Variants in WLS observed in about 807,000 individuals in gnomAD.
The protein encoded by WLS is protein wntless homolog.
WLS carries 23 observed loss-of-function variants against 62.8 expected under a neutral mutation model. The ratio of observed to expected loss-of-function variants is 0.37; its 90% CI spans 0.26 to 0.52. The LOEUF is 0.52. Ranked by LOEUF, WLS falls within the 20% of genes least tolerant of loss-of-function variation. The probability of loss-of-function intolerance (pLI) is 0.92; values close to 1 mark genes in which losing one functional copy is unlikely to be tolerated. For missense variants in WLS, 615 were observed against 697.3 expected (o/e 0.88, Z 1.33); for synonymous variants, 246 against 244.1 (o/e 1.01, Z -0.07).
chr1:68,179,056 C>G (rs997359577), intron 2 of WLS, among the ~76,000 whole-genome samples: 1 of 152,118 alleles, frequency 6.6e-6, no homozygotes, highest in African/African-American at 2.4e-5. Context: ...TGTCTGCCTA[C>G]CTAAGGAGTA....
intron 1 of WLS, among the ~76,000 whole-genome samples, chr1:68,200,576 T>C (rs1648956154): frequency 6.6e-6 from 1 of 151,802 alleles, no homozygotes; most frequent in African/African-American, 2.4e-5. Context: ...GCTTTTTTTT[T>C]TTTTTTCCAG....
chr1:68,217,939 G>A (rs756722613), intron 1 of WLS, among the ~76,000 whole-genome samples: 1 of 152,122 alleles, frequency 6.6e-6, no homozygotes, highest in African/African-American at 2.4e-5. Flanking sequence ...CCATCATCCA[G>A]AACAAATTAA....
chr1:68,157,703 T>A (rs558341478), intron 3 of WLS, among the ~76,000 whole-genome samples: 111 of 152,326 alleles, frequency 7.3e-4, no homozygotes, highest in African/African-American at 2.4e-3. Flanking sequence ...GATGATTCAT[T>A]TCCTTCGCAC....
intron 11 of WLS, among the ~76,000 whole-genome samples, chr1:68,113,816 G>A (rs1207922093): frequency 6.6e-6 from 1 of 152,192 alleles, no homozygotes; most frequent in African/African-American, 2.4e-5. Flanking sequence ...CTTGCTACAG[G>A]ACAGCAAATC....
chr1:68,201,753 C>A (rs1034256984), intron 1 of WLS, among the ~76,000 whole-genome samples: 1 of 152,132 alleles, frequency 6.6e-6, no homozygotes, highest in African/African-American at 2.4e-5. Flanking sequence ...ACCACTACCA[C>A]CAAAACACAA....
chr1:68,218,607 C>T (rs1649826665), intron 1 of WLS, among the ~76,000 whole-genome samples: 1 of 152,212 alleles, frequency 6.6e-6, no homozygotes. Flanking sequence ...ATACTTGCTT[C>T]CTTCCCTTTC....
intron 2 of WLS, among the ~76,000 whole-genome samples, chr1:68,170,975 A>G (rs1647145210): frequency 6.6e-6 from 1 of 152,126 alleles, no homozygotes; most frequent in African/African-American, 2.4e-5. Flanking sequence ...ACAAACCTAA[A>G]TTTCCTGTCA....
At position 68,193,801 on chromosome 1, in the gene WLS, T is replaced by C. The variant is rs974580013; in HGVS notation, c.379+154A>G. 7.2e-6 allele frequency: 7 copies of C among 977,710 alleles called. No individual in the cohort carries two copies. In the Admixed American group the frequency reaches 1.1e-4, roughly 16 times the overall value. The allele number at this position is 977,710 out of a possible 1,614,324, so 60.6% of individuals were successfully genotyped here. On this transcript the variant is annotated intron_variant, in intron 2 of 11. Coordinates refer to ENST00000262348, the MANE Select transcript of WLS (RefSeq NM_024911.7). ...CTGGTGGGAAGATTAAATGGGTTAA[T>C]ACAGGTAAAGTACACAGAAAGTGCC...
chr1:68,141,923 C>CA (rs1433586770), intron 10 of WLS: 1 of 152,152 alleles, frequency 6.6e-6, no homozygotes, highest in African/African-American at 2.4e-5. Context: ...TAATGGAATT[C>CA]AAAAGGCCTC....
downstream of WLS, among the ~76,000 whole-genome samples, chr1:68,122,595 T>C (rs928146961): frequency 6.6e-6 from 1 of 152,252 alleles, no homozygotes; most frequent in Non-Finnish European, 1.5e-5. Flanking sequence ...TGTAAAATTA[T>C]ATACTTTTTT....
At chr1:68,174,225 T>G in intron 2 of WLS, among the ~76,000 whole-genome samples, 1 of 152,056 alleles carries the variant, frequency 6.6e-6, no homozygotes. Flanking sequence ...CACCCCAACA[T>G]TCCCTCACTG....
At chr1:68,120,427 T>G (rs1424230306), downstream of WLS, among the ~76,000 whole-genome samples, 6 of 152,206 alleles carry the variant, frequency 3.9e-5, no homozygotes, top group Admixed American at 3.3e-4. Flanking sequence ...TAAGGTCATT[T>G]GGTTCTAGTG....
At chr1:68,180,000 T>C (rs12085739) in intron 2 of WLS, among the ~76,000 whole-genome samples, 5,723 of 150,940 alleles carry the variant, frequency 0.038, 348 homozygotes, top group African/African-American at 0.13. Context: ...GCCCATTCAG[T>C]AGAGGTGGTG....
At chr1:68,209,427 T>C (rs1649417845) in intron 1 of WLS, among the ~76,000 whole-genome samples, 1 of 152,254 alleles carries the variant, frequency 6.6e-6, no homozygotes, top group African/African-American at 2.4e-5. Flanking sequence ...TTGTTGGATA[T>C]TTTTTATGTG....
chr1:68,201,006 A>C (rs1367737247), intron 1 of WLS, among the ~76,000 whole-genome samples: 3 of 152,200 alleles, frequency 2.0e-5, no homozygotes, highest in African/African-American at 7.2e-5. Flanking sequence ...AATGCCCCCA[A>C]AGTACTTATT....
chr1:68,197,560 C>CA (rs1184032088), intron 1 of WLS, among the ~76,000 whole-genome samples: 1 of 152,272 alleles, frequency 6.6e-6, no homozygotes, highest in Non-Finnish European at 1.5e-5. Flanking sequence ...AGTAAACAGA[C>CA]ATCCTGATAT....
intron 1 of WLS, among the ~76,000 whole-genome samples, chr1:68,201,560 T>C (rs1649017509): frequency 6.6e-6 from 1 of 152,274 alleles, no homozygotes; most frequent in East Asian, 1.9e-4. Context: ...AAAGTGTGTC[T>C]ACAGAGACTA....
intron 2 of WLS, among the ~76,000 whole-genome samples, chr1:68,160,455 A>T (rs1292923882): frequency 6.6e-6 from 1 of 152,216 alleles, no homozygotes; most frequent in East Asian, 1.9e-4. Flanking sequence ...GAGTCTGGTT[A>T]TGGAATAGGC....
chr1:68,126,387 G>GC, intron 11 of WLS, 52 bp from the exon 12 acceptor site: 3 of 1,608,204 alleles, frequency 1.9e-6, no homozygotes, highest in Non-Finnish European at 2.5e-6. Context: ...GGAGAAGCAA[G>GC]CTGGGGTTCA....
Sources: gnomAD v4.1 joint callset for allele counts (sites outside exome capture counted in the v4.1 genomes callset) on GRCh38, gnomAD v4.1.1 for gene constraint, MANE v1.5 for transcripts, NCBI Gene and HGNC (gene_info 2026-07-23, HGNC 2026-07-21) for gene names.